ELAVL4: variants seen among roughly 807,000 people sequenced by gnomAD.
The protein encoded by ELAVL4 is ELAV like RNA binding protein 4.
A neutral mutation model predicts 35.6 loss-of-function variants in ELAVL4; 1 was observed. The ratio of observed to expected loss-of-function variants is 0.03; its 90% CI spans 0.01 to 0.13. The LOEUF is 0.13. ELAVL4 is among the 10% of genes least tolerant of loss of function. The pLI, the probability that ELAVL4 is intolerant of heterozygous loss-of-function variation, is 1.00. For synonymous variants in ELAVL4, 156 were observed against 171.0 expected (o/e 0.91, Z 0.69); for missense variants, 267 against 464.9 (o/e 0.57, Z 3.91).
chr1:50,183,887 C>T (rs1239962889), intron 3 of ELAVL4, among the ~76,000 whole-genome samples: 5 of 152,334 alleles, frequency 3.3e-5, no homozygotes, highest in Middle Eastern at 3.4e-3. Context: ...TGGACTGCCT[C>T]CCTCAGTCTT....
chr1:50,154,064 A>G (rs937145733), intron 2 of ELAVL4, among the ~76,000 whole-genome samples: 4 of 152,228 alleles, frequency 2.6e-5, no homozygotes, highest in African/African-American at 7.2e-5. Context: ...TAATACAGAC[A>G]TCTTCAAGAG....
intron 1 of ELAVL4, among the ~76,000 whole-genome samples, chr1:50,070,649 G>A (rs547945667): frequency 4.6e-5 from 7 of 150,764 alleles, no homozygotes; most frequent in South Asian, 2.1e-4. Flanking sequence ...GGTGAGCCAG[G>A]AGAATCGCTT....
chr1:50,155,253 T>G (rs947670456), intron 2 of ELAVL4, among the ~76,000 whole-genome samples: 3 of 143,264 alleles, frequency 2.1e-5, no homozygotes, highest in Non-Finnish European at 4.5e-5. Context: ...AATTCCCATC[T>G]AGGAGTTTTC....
chr1:50,081,349 G>A (rs558797919), intron 1 of ELAVL4, among the ~76,000 whole-genome samples: 1 of 152,342 alleles, frequency 6.6e-6, no homozygotes, highest in African/African-American at 2.4e-5. Flanking sequence ...ACAGCACATG[G>A]AGACAGGCCA....
At position 50,183,154 on chromosome 1, in the gene ELAVL4, G is replaced by A. The variant is rs543397845; in HGVS notation, c.354+5962G>A. Among the ~76,000 whole-genome samples the A allele has an allele frequency of 2.0e-5, 3 of 152,110 alleles. 1 individual carries two copies. The highest frequency in any genetic ancestry group is 2.1e-4 in the South Asian group (1 of 4,826). On this transcript the variant is annotated intron_variant, in intron 3 of 6. Coordinates refer to ENST00000371824, the MANE Select transcript of ELAVL4 (RefSeq NM_001144774.3). ...ATTACGGGTGTGAGCCACTGCGCCCGGCCGATTTCCATCCTTTTTTTATTG... is the reference window on the plus strand; with the variant it reads ...ATTACGGGTGTGAGCCACTGCGCCCAGCCGATTTCCATCCTTTTTTTATTG...
chr1:50,064,178 AC>A (rs1315345596), intron 1 of ELAVL4, among the ~76,000 whole-genome samples: 5 of 152,106 alleles, frequency 3.3e-5, no homozygotes, highest in African/African-American at 1.2e-4. Flanking sequence ...GGCAAGAGGT[AC>A]CCCTGGGAAG....
At chr1:50,147,232 G>T (rs145959307) in intron 2 of ELAVL4, among the ~76,000 whole-genome samples, 192 of 152,278 alleles carry the variant, frequency 1.3e-3, no homozygotes, top group African/African-American at 4.4e-3. Flanking sequence ...TTATGGGAAT[G>T]AGGCAGGGAA....
chr1:50,104,589 A>C (rs1166086173), upstream of ELAVL4, among the ~76,000 whole-genome samples: 1 of 152,138 alleles, frequency 6.6e-6, no homozygotes, highest in Admixed American at 6.5e-5. Context: ...TACTGTCAAC[A>C]CCTGTGTTTG....
chr1:50,067,180 G>T (rs1340114679), intron 1 of ELAVL4, among the ~76,000 whole-genome samples: 2 of 152,154 alleles, frequency 1.3e-5, no homozygotes, highest in Non-Finnish European at 2.9e-5. Flanking sequence ...GAGGTGGGAG[G>T]AAAGAACCTT....
At chr1:50,118,243 C>T (rs1418397793) in intron 1 of ELAVL4, among the ~76,000 whole-genome samples, 1 of 152,046 alleles carries the variant, frequency 6.6e-6, no homozygotes, top group African/African-American at 2.4e-5. Flanking sequence ...CTGTTTTCCT[C>T]CTTTCCCCTT....
chr1:50,125,373 A>G (rs999223676), intron 1 of ELAVL4, among the ~76,000 whole-genome samples: 22 of 152,228 alleles, frequency 1.4e-4, no homozygotes, highest in African/African-American at 3.8e-4. Flanking sequence ...TGTGGCACAC[A>G]GTGAGGCCAC....
At chr1:50,130,295 T>C (rs998569718) in intron 1 of ELAVL4, among the ~76,000 whole-genome samples, 1 of 152,154 alleles carries the variant, frequency 6.6e-6, no homozygotes, top group African/African-American at 2.4e-5. Flanking sequence ...AGGGCACAAA[T>C]TTGGTTTCAG....
chr1:50,075,424 A>G (rs985672727), intron 1 of ELAVL4, among the ~76,000 whole-genome samples: 4 of 152,216 alleles, frequency 2.6e-5, no homozygotes, highest in Admixed American at 2.6e-4. Context: ...TATTGGATAC[A>G]AAGATGTGAT....
At chr1:50,186,542 T>C (rs546894047) in intron 3 of ELAVL4, among the ~76,000 whole-genome samples, 1 of 152,200 alleles carries the variant, frequency 6.6e-6, no homozygotes, top group East Asian at 1.9e-4. Context: ...CTGGGACTCG[T>C]GGAGGAGGTG....
chr1:50,098,847 C>G (rs745477601), intron 1 of ELAVL4, among the ~76,000 whole-genome samples: 2 of 152,098 alleles, frequency 1.3e-5, no homozygotes, highest in Non-Finnish European at 2.9e-5. Flanking sequence ...AGGAAGCATC[C>G]TTTCTGGGCA....
At chr1:50,097,585 G>A (rs999740990) in intron 1 of ELAVL4, among the ~76,000 whole-genome samples, 4 of 152,120 alleles carry the variant, frequency 2.6e-5, no homozygotes, top group African/African-American at 9.7e-5. Context: ...ATGTCTCCTG[G>A]CTCTTCCTTT....
chr1:50,170,434 A>G (rs1678795159), intron 2 of ELAVL4, among the ~76,000 whole-genome samples: 1 of 152,188 alleles, frequency 6.6e-6, no homozygotes, highest in Non-Finnish European at 1.5e-5. Context: ...GGTGTGTAGT[A>G]TCCCCAGAAA....
At position 50,193,930 on chromosome 1, in the gene ELAVL4, C is replaced by T. The variant is rs144747925; in HGVS notation, c.508+12C>T. 3.0e-3 allele frequency: 4,801 copies of T among 1,613,078 alleles called. 29 individuals carry two copies. The highest frequency in any genetic ancestry group is 2.0e-3 in the Non-Finnish European group (2,387 of 1,179,546). ...TGATCAAGTCACAGGTTAAGTGTTT[C>T]TTTGTAATTTCTTTCCTTGTATATC... On this transcript the variant is annotated intron_variant, in intron 4 of 6. Coordinates refer to ENST00000371824, the MANE Select transcript of ELAVL4 (RefSeq NM_001144774.3).
intron 1 of ELAVL4, among the ~76,000 whole-genome samples, chr1:50,062,153 G>T (rs1430791743): frequency 6.6e-6 from 1 of 152,124 alleles, no homozygotes; most frequent in Non-Finnish European, 1.5e-5. Context: ...AACTTGGCTG[G>T]ATGCTAGAAG....
Sources: allele counts gnomAD v4.1 joint callset (sites outside exome capture counted in the v4.1 genomes callset), GRCh38; gene constraint gnomAD v4.1.1; transcripts MANE v1.5; gene names NCBI Gene and HGNC (gene_info 2026-07-23, HGNC 2026-07-21).